The following METTL15 variants were observed in gnomAD, a reference collection of about 807,000 sequenced individuals.
METTL15 encodes methyltransferase 15, mitochondrial 12S rRNA N4-cytidine.
In METTL15, 34 loss-of-function variants were observed where a neutral mutation model predicts 38.3. The ratio of observed to expected loss-of-function variants is 0.89; its 90% CI spans 0.68 to 1.18. The LOEUF is 1.18. METTL15 is among the 50% of genes most tolerant of loss of function. The pLI, the probability that METTL15 is intolerant of heterozygous loss-of-function variation, is 0.00. For missense variants in METTL15, 438 were observed against 498.4 expected (o/e 0.88, Z 1.15); for synonymous variants, 162 against 170.9 (o/e 0.95, Z 0.41).
At chr11:28,185,079 A>AGT (rs1851445785) in intron 3 of METTL15, among the ~76,000 whole-genome samples, 1 of 151,588 alleles carries the variant, frequency 6.6e-6, no homozygotes, top group Non-Finnish European at 1.5e-5. Flanking sequence ...ACTGTTTTAT[A>AGT]TAGAGTCTTT....
At chr11:28,333,811 T>G (rs930770105), downstream of METTL15, among the ~76,000 whole-genome samples, 11 of 151,898 alleles carry the variant, frequency 7.2e-5, no homozygotes, top group African/African-American at 2.4e-4. Flanking sequence ...AAGCAGTAGT[T>G]TATAAGAGAA....
At chr11:28,292,718 C>T (rs1296049375) in intron 5 of METTL15, among the ~76,000 whole-genome samples, 1 of 152,142 alleles carries the variant, frequency 6.6e-6, no homozygotes. Context: ...TCTCCAGCGC[C>T]TGTTGTTTCC....
intron 6 of METTL15, among the ~76,000 whole-genome samples, chr11:28,481,765 C>G (rs1164181660): frequency 6.6e-6 from 1 of 152,122 alleles, no homozygotes; most frequent in Non-Finnish European, 1.5e-5. Flanking sequence ...GGGTGTGTCA[C>G]ACAGCCATTA....
Position 28,238,982 on chromosome 11 carries a change from T to C in METTL15, c.407+27784T>C, listed in dbSNP as rs561450284. 2.0e-3 allele frequency among the ~76,000 whole-genome samples: 300 copies of C among 152,328 alleles called. 1 individual carries two copies. The highest frequency in any genetic ancestry group is 5.9e-3 in the African/African-American group (247 of 41,574). The stretch of plus-strand genomic sequence containing the variant: ...TGGATTTTTTTTTTCCTATCTGTAC[T>C]GTTCCTTGTCAAACTCTTCATGTGT... On this transcript the variant is annotated intron_variant, in intron 4 of 6. Coordinates refer to ENST00000407364, the MANE Select transcript of METTL15 (RefSeq NM_001113528.2).
At chr11:28,393,854 A>G (rs1850539735) in intron 5 of METTL15, among the ~76,000 whole-genome samples, 1 of 152,124 alleles carries the variant, frequency 6.6e-6, no homozygotes. Context: ...GTTGGCTACA[A>G]CCACATTATT....
chr11:28,187,542 A>T (rs1851543453), intron 3 of METTL15, among the ~76,000 whole-genome samples: 1 of 148,178 alleles, frequency 6.7e-6, no homozygotes, highest in Non-Finnish European at 1.5e-5. Flanking sequence ...TTTTTTTTTA[A>T]CACGGACCGA....
intron 4 of METTL15, among the ~76,000 whole-genome samples, chr11:28,236,999 G>T (rs559585621): frequency 6.6e-6 from 1 of 152,118 alleles, no homozygotes; most frequent in East Asian, 1.9e-4. Flanking sequence ...TTCCCTTTGT[G>T]GGTAACCCGA....
At chr11:28,221,696 C>T (rs1590181187) in intron 4 of METTL15, among the ~76,000 whole-genome samples, 1 of 152,210 alleles carries the variant, frequency 6.6e-6, no homozygotes, top group East Asian at 1.9e-4. Flanking sequence ...ATCTACCTTT[C>T]GTCTTTGATG....
chr11:28,265,347 G>A (rs928199842), intron 4 of METTL15, among the ~76,000 whole-genome samples: 9 of 151,694 alleles, frequency 5.9e-5, no homozygotes, highest in Non-Finnish European at 1.2e-4. Flanking sequence ...TGAAGGCTAT[G>A]CCTTGCTGAA....
At chr11:28,191,851 G>T (rs1173768218) in intron 3 of METTL15, among the ~76,000 whole-genome samples, 1 of 151,590 alleles carries the variant, frequency 6.6e-6, no homozygotes, top group East Asian at 1.9e-4. Context: ...AGTGCTAGTT[G>T]TTTCTGCCTA....
At position 28,161,107 on chromosome 11, in the gene METTL15, C is replaced by CTTTT. The variant is rs10660185; in HGVS notation, c.270+47519_270+47522dup. On this transcript the variant is annotated intron_variant, in intron 3 of 6. Transcript: ENST00000407364. Reference sequence around the variant, plus strand: ...GATATAGTCAGATGTTTGCACCTTCCTTTTTTTTTTTTTTTTTTTGTTTTT... The same window carrying CTTTT: ...GATATAGTCAGATGTTTGCACCTTCCTTTTTTTTTTTTTTTTTTTTTTTGTTTTT... Among the ~76,000 whole-genome samples the CTTTT allele has an allele frequency of 3.0e-4, 39 of 131,908 alleles. 1 individual carries two copies. Among genetic ancestry groups the CTTTT allele is most frequent in the Non-Finnish European group, 3.5e-4 (22 of 63,338 alleles). The allele number at this position is 131,908 out of a possible 152,430, so 86.5% of individuals were successfully genotyped here.
chr11:28,335,396 C>T (rs754815596), downstream of METTL15, among the ~76,000 whole-genome samples: 31 of 152,138 alleles, frequency 2.0e-4, no homozygotes, highest in Non-Finnish European at 4.0e-4. Context: ...CTTGAATTCT[C>T]ATTTGTTTCA....
Position 28,113,328 on chromosome 11 carries a change from C to G in METTL15, c.-7C>G. The G allele has an allele frequency of 3.9e-6, 6 of 1,519,066 alleles. No individual in the cohort carries two copies. Among genetic ancestry groups the G allele is most frequent in the South Asian group, 1.3e-5 (1 of 75,844 alleles). The allele number at this position is 1,519,066 out of a possible 1,614,324, so 94.1% of individuals were successfully genotyped here. A position where few individuals can be genotyped will look rare whatever the true frequency, so the allele number is the denominator to read the frequency against. On this transcript the variant is annotated 5_prime_UTR_variant, in exon 3 of 7. Coordinates refer to ENST00000407364, the MANE Select transcript of METTL15 (RefSeq NM_001113528.2). ...AATTTTTTTTTCTAGATTTGTTTACCTACAAAATGCTTCGGTATCCATATT... is the reference window on the plus strand; with the variant it reads ...AATTTTTTTTTCTAGATTTGTTTACGTACAAAATGCTTCGGTATCCATATT...
chr11:28,422,392 C>A (rs1385411688), intron 5 of METTL15, among the ~76,000 whole-genome samples: 3 of 151,854 alleles, frequency 2.0e-5, no homozygotes, highest in Admixed American at 2.0e-4. Flanking sequence ...CTATACTGAG[C>A]AAAAAGAACA....
intron 3 of METTL15, among the ~76,000 whole-genome samples, chr11:28,158,704 C>T (rs532027362): frequency 4.5e-4 from 68 of 152,192 alleles, no homozygotes; most frequent in Non-Finnish European, 7.2e-4. Flanking sequence ...CACGGCATTG[C>T]TTCTGTCCAA....
At chr11:28,127,819 A>T (rs1410212364) in intron 3 of METTL15, among the ~76,000 whole-genome samples, 1 of 152,112 alleles carries the variant, frequency 6.6e-6, no homozygotes. Flanking sequence ...ATTTACATGA[A>T]AGTATACCAA....
chr11:28,437,742 T>C (rs2133437586), intron 6 of METTL15, among the ~76,000 whole-genome samples: 1 of 152,374 alleles, frequency 6.6e-6, no homozygotes, highest in Middle Eastern at 3.4e-3. Context: ...CATTTCTAGC[T>C]GGGTCTCTGA....
At position 28,317,857 on chromosome 11, in the gene METTL15, T is replaced by G. The variant is rs187719505; in HGVS notation, c.779-12539T>G. ...ATAGAGTTTCCAGCTTCTGATATCA[T>G]ACATGAAACAGGGTTCTCAATCAAT... On this transcript the variant is annotated intron_variant, in intron 6 of 6. Transcript: ENST00000407364. 3.0e-3 allele frequency among the ~76,000 whole-genome samples: 463 copies of G among 152,322 alleles called. 2 individuals are homozygous for G. Among genetic ancestry groups the G allele is most frequent in the Non-Finnish European group, 3.6e-3 (244 of 68,028 alleles).
intron 6 of METTL15, among the ~76,000 whole-genome samples, chr11:28,322,335 A>G (rs1417921404): frequency 1.3e-5 from 2 of 152,118 alleles, no homozygotes; most frequent in South Asian, 2.1e-4. Context: ...AGAGACCAAC[A>G]TCACATCAGG....
Sources: allele counts gnomAD v4.1 joint callset (sites outside exome capture counted in the v4.1 genomes callset), GRCh38; gene constraint gnomAD v4.1.1; transcripts MANE v1.5; gene names NCBI Gene and HGNC (gene_info 2026-07-23, HGNC 2026-07-21).